The following NEK10 variants were observed in gnomAD, a reference collection of about 807,000 sequenced individuals.
The protein encoded by NEK10 is serine/threonine-protein kinase Nek10.
NEK10 carries 122 observed loss-of-function variants against 159.8 expected under a neutral mutation model. The observed-to-expected ratio is 0.76, with a 90% CI of 0.66 to 0.89. NEK10 has a LOEUF of 0.89. Ranked by LOEUF, NEK10 falls within the 40% of genes least tolerant of loss-of-function variation. The pLI, the probability that NEK10 is intolerant of heterozygous loss-of-function variation, is 0.00. For missense variants in NEK10, 1,342 were observed against 1,323.1 expected, an observed-to-expected ratio of 1.01 and a Z score of -0.22; for synonymous variants, 466 against 457.1, an observed-to-expected ratio of 1.02 and a Z score of -0.25.
intron 22 of NEK10, chr3:27,278,597 G>T: frequency 3.2e-6 from 2 of 631,676 alleles, no homozygotes; most frequent in Non-Finnish European, 3.9e-6. Flanking sequence ...CTGTTTGTTT[G>T]CAAGATGAAC....
At chr3:27,117,188 T>C (rs1258305189) in intron 33 of NEK10, among the ~76,000 whole-genome samples, 1 of 152,232 alleles carries the variant, frequency 6.6e-6, no homozygotes, top group Non-Finnish European at 1.5e-5. Context: ...TGGTATTCCA[T>C]GGTGCATGTG....
intron 21 of NEK10, 27 bp from the exon 22 acceptor site, chr3:27,284,731 T>G: frequency 6.4e-7 from 1 of 1,561,562 alleles, no homozygotes; most frequent in Non-Finnish European, 8.8e-7. Flanking sequence ...GAAAACAAAT[T>G]TTATTTCCCC....
intron 22 of NEK10, among the ~76,000 whole-genome samples, chr3:27,282,559 T>TATATATATATATATATATACAC (rs1244802639): frequency 1.2e-5 from 1 of 86,902 alleles, no homozygotes; most frequent in African/African-American, 5.3e-5. Flanking sequence ...TATATATATA[T>TATATATATATATATATATACAC]ACATAACTGT....
At chr3:27,192,665 C>T (rs376366121) in intron 25 of NEK10, among the ~76,000 whole-genome samples, 18 of 151,332 alleles carry the variant, frequency 1.2e-4, no homozygotes, top group African/African-American at 4.4e-4. Context: ...TCTTAGACTG[C>T]AGATGTTTAA....
rs775049762 is a variant in NEK10 at position 27,170,102 on chromosome 3, C to A, written c.2831+1717G>T. Among the ~76,000 whole-genome samples, 137 of 152,266 alleles carry A rather than the reference C, an allele frequency of 9.0e-4. 1 individual carries two copies. Among genetic ancestry groups the A allele is most frequent in the Non-Finnish European group, 4.0e-4 (27 of 68,030 alleles). On this transcript the variant is annotated intron_variant, in intron 29 of 35. Transcript: ENST00000691995. Reference sequence around the variant, plus strand: ...AAGCCCCACAATGACGTCTAAAGAACCCCCTGTCACATAAGTTAGCTAAAG... The same window carrying A: ...AAGCCCCACAATGACGTCTAAAGAAACCCCTGTCACATAAGTTAGCTAAAG...
chr3:27,160,333 C>T (rs1226252365), intron 30 of NEK10, among the ~76,000 whole-genome samples: 2 of 152,092 alleles, frequency 1.3e-5, no homozygotes, highest in African/African-American at 4.8e-5. Context: ...GCATGGTTTG[C>T]AGATGTGGTG....
chr3:27,357,540 T>C (rs555022219), intron 1 of NEK10, among the ~76,000 whole-genome samples: 1 of 152,194 alleles, frequency 6.6e-6, no homozygotes, highest in Admixed American at 6.5e-5. Context: ...CAATCTTTTA[T>C]GGACTGATAC....
chr3:27,179,362 G>T (rs13080907), intron 26 of NEK10, among the ~76,000 whole-genome samples: 67,210 of 151,946 alleles, frequency 0.44, 16,594 homozygotes, highest in African/African-American at 0.67. Flanking sequence ...TAATTAGAAC[G>T]TCTTAAAAGC....
intron 26 of NEK10, among the ~76,000 whole-genome samples, chr3:27,185,638 A>G (rs535702053): frequency 6.6e-6 from 1 of 152,312 alleles, no homozygotes; most frequent in South Asian, 2.1e-4. Context: ...TCCTTGCAAT[A>G]AATATCTGAA....
At chr3:27,239,614 G>C (rs1037380261) in intron 23 of NEK10, among the ~76,000 whole-genome samples, 17 of 152,150 alleles carry the variant, frequency 1.1e-4, no homozygotes, top group African/African-American at 3.4e-4. Flanking sequence ...TCATCAGATG[G>C]GTTCACATGA....
intron 22 of NEK10, among the ~76,000 whole-genome samples, chr3:27,282,262 A>T (rs1337186839): frequency 6.6e-6 from 1 of 152,116 alleles, no homozygotes; most frequent in East Asian, 1.9e-4. Flanking sequence ...GATGGGGCAT[A>T]AAACTGTTTT....
At chr3:27,250,754 C>T (rs1056608087) in intron 23 of NEK10, among the ~76,000 whole-genome samples, 1 of 152,000 alleles carries the variant, frequency 6.6e-6, no homozygotes, top group Admixed American at 6.5e-5. Flanking sequence ...TCTTCTGGCC[C>T]GTAAGGCTTC....
rs147125051 is a variant in NEK10, at chr3:27,224,489, G to A, written c.2091-21932C>T. Among the ~76,000 whole-genome samples the A allele has an allele frequency of 3.7e-3, 564 of 152,138 alleles. 3 individuals are homozygous for A. The highest frequency in any genetic ancestry group is 6.5e-3 in the Non-Finnish European group (439 of 67,986). ...GCAAACTTTCATCAATGAGAGACAG[G>A]AAATGAATTATTCTTCCTTCCCTCC... On this transcript the variant is annotated intron_variant, in intron 23 of 35. Coordinates refer to ENST00000691995, the MANE Select transcript of NEK10 (RefSeq NM_001394966.1).
intron 32 of NEK10, among the ~76,000 whole-genome samples, chr3:27,126,100 A>G (rs1941915609): frequency 6.6e-6 from 1 of 152,180 alleles, no homozygotes. Flanking sequence ...TATATGCATA[A>G]AGAGCCGTTA....
chr3:27,224,972 T>C (rs546989291), intron 23 of NEK10, among the ~76,000 whole-genome samples: 3 of 152,326 alleles, frequency 2.0e-5, no homozygotes, highest in African/African-American at 7.2e-5. Flanking sequence ...CCCACTGTGT[T>C]AGTCCAGGTT....
chr3:27,124,662 G>C (rs1401257874), intron 32 of NEK10, among the ~76,000 whole-genome samples: 1 of 152,178 alleles, frequency 6.6e-6, no homozygotes, highest in Non-Finnish European at 1.5e-5. Context: ...AAGAAATGAA[G>C]CAGAGCAGGT....
At chr3:27,362,538 AT>A (rs1338168358) in intron 1 of NEK10, among the ~76,000 whole-genome samples, 2 of 151,742 alleles carry the variant, frequency 1.3e-5, no homozygotes, top group East Asian at 3.9e-4. Flanking sequence ...ACCAGAGGTA[AT>A]TATATGAGGC....
intron 5 of NEK10, among the ~76,000 whole-genome samples, chr3:27,344,053 G>C (rs2047381552): frequency 6.6e-6 from 1 of 152,140 alleles, no homozygotes; most frequent in Admixed American, 6.6e-5. Flanking sequence ...ATGATAACGA[G>C]TGTTTTCCCA....
At chr3:27,285,259 G>T (rs369302631) in intron 20 of NEK10, among the ~76,000 whole-genome samples, 1 of 152,060 alleles carries the variant, frequency 6.6e-6, no homozygotes. Context: ...ATGATTGAAA[G>T]GTGCCACAGA....
Sources: gnomAD v4.1 joint callset for allele counts (sites outside exome capture counted in the v4.1 genomes callset) on GRCh38, gnomAD v4.1.1 for gene constraint, MANE v1.5 for transcripts, NCBI Gene and HGNC (gene_info 2026-07-23, HGNC 2026-07-21) for gene names.